RALGPS1: variants seen among roughly 807,000 people sequenced by gnomAD.
RALGPS1 encodes ras-specific guanine nucleotide-releasing factor RalGPS1.
RALGPS1 carries 19 observed loss-of-function variants against 78.8 expected under a neutral mutation model. The ratio of observed to expected loss-of-function variants is 0.24; its 90% CI spans 0.17 to 0.35. The LOEUF is 0.35. Ranked by LOEUF, RALGPS1 falls within the 10% of genes least tolerant of loss-of-function variation. The pLI is 1.00. For synonymous variants in RALGPS1, 228 were observed against 256.3 expected (o/e 0.89, Z 1.06); for missense variants, 454 against 688.3 (o/e 0.66, Z 3.81).
intron 11 of RALGPS1, among the ~76,000 whole-genome samples, chr9:127,189,807 G>T (rs1158943576): frequency 6.6e-6 from 1 of 152,046 alleles, no homozygotes; most frequent in Non-Finnish European, 1.5e-5. Context: ...CCAGCGAGGG[G>T]CCAGAGCGGG....
chr9:127,134,999 A>G (rs1352020420), intron 8 of RALGPS1, among the ~76,000 whole-genome samples: 5 of 152,196 alleles, frequency 3.3e-5, no homozygotes, highest in Admixed American at 6.5e-5. Flanking sequence ...GAGAGGAGAC[A>G]GCACTCATCT....
intron 5 of RALGPS1, among the ~76,000 whole-genome samples, chr9:127,040,724 A>G (rs1000713718): frequency 1.3e-5 from 2 of 152,170 alleles, no homozygotes; most frequent in South Asian, 2.1e-4. Flanking sequence ...AAGTTGCCCA[A>G]GGAAGAAGGC....
rs376901895 is a variant in RALGPS1, at chr9:126,941,704, T to C, written c.-65-20521T>C. 6.0e-4 allele frequency among the ~76,000 whole-genome samples: 92 copies of C among 152,316 alleles called. No individual in the cohort carries two copies. The East Asian group carries it at 0.012, about 19-fold the overall frequency. ...ATACTAGCTTTTCAGGAAATAGTTA[T>C]TGAATGAAAGCATGAAAGTGAGTGT... On this transcript the variant is annotated intron_variant, in intron 1 of 18. Coordinates refer to ENST00000259351, the MANE Select transcript of RALGPS1 (RefSeq NM_014636.3).
chr9:127,160,984 C>T (rs998605799), intron 8 of RALGPS1, among the ~76,000 whole-genome samples: 5 of 152,360 alleles, frequency 3.3e-5, no homozygotes, highest in African/African-American at 1.2e-4. Flanking sequence ...AGGTCTGCAC[C>T]TCTCAGCCTT....
intron 4 of RALGPS1, among the ~76,000 whole-genome samples, chr9:127,001,712 C>A (rs888891235): frequency 6.6e-6 from 1 of 151,944 alleles, no homozygotes; most frequent in Non-Finnish European, 1.5e-5. Flanking sequence ...GGTGAAACCC[C>A]GTCTCTACTA....
intron 8 of RALGPS1, among the ~76,000 whole-genome samples, chr9:127,073,230 C>A (rs989558633): frequency 6.6e-6 from 1 of 152,186 alleles, no homozygotes; most frequent in South Asian, 2.1e-4. Flanking sequence ...CTTTATTCCT[C>A]CTTCCCACCC....
intron 4 of RALGPS1, among the ~76,000 whole-genome samples, chr9:127,024,637 C>T (rs1234914679): frequency 6.6e-6 from 1 of 152,050 alleles, no homozygotes; most frequent in Non-Finnish European, 1.5e-5. Context: ...GTGTTTCATT[C>T]CCTAGTAACC....
chr9:127,144,350 C>G (rs1380451985), intron 8 of RALGPS1, among the ~76,000 whole-genome samples: 1 of 152,200 alleles, frequency 6.6e-6, no homozygotes, highest in Non-Finnish European at 1.5e-5. Context: ...GCATGCACTA[C>G]TTTGGGTCCT....
intron 4 of RALGPS1, among the ~76,000 whole-genome samples, chr9:126,991,919 T>C (rs1317777527): frequency 2.6e-5 from 4 of 152,304 alleles, no homozygotes; most frequent in Middle Eastern, 6.8e-3. Flanking sequence ...GGCTCTGGGC[T>C]CAGCAGTATG....
At chr9:126,923,352 C>T (rs991480120) in intron 1 of RALGPS1, among the ~76,000 whole-genome samples, 2 of 152,190 alleles carry the variant, frequency 1.3e-5, no homozygotes. Context: ...GGTCCTAACG[C>T]CTCAAGTGCC....
At chr9:126,932,239 C>T (rs143219447) in intron 1 of RALGPS1, among the ~76,000 whole-genome samples, 1 of 152,262 alleles carries the variant, frequency 6.6e-6, no homozygotes, top group Non-Finnish European at 1.5e-5. Flanking sequence ...GGGAAAAAGA[C>T]AATATTATGT....
intron 8 of RALGPS1, among the ~76,000 whole-genome samples, chr9:127,074,852 GTTA>G (rs2050539240): frequency 1.3e-5 from 2 of 152,232 alleles, no homozygotes; most frequent in African/African-American, 4.8e-5. Context: ...CCCTATTCAG[GTTA>G]TTATTTTCCT....
At chr9:127,133,491 AC>A in intron 8 of RALGPS1, among the ~76,000 whole-genome samples, 1 of 151,896 alleles carries the variant, frequency 6.6e-6, no homozygotes, top group East Asian at 1.9e-4. Flanking sequence ...TGCAAATATC[AC>A]CCCCTTTCTG....
chr9:126,979,408 A>G (rs1019235193), intron 4 of RALGPS1, among the ~76,000 whole-genome samples: 5 of 152,114 alleles, frequency 3.3e-5, no homozygotes, highest in African/African-American at 9.7e-5. Flanking sequence ...AACAACATCA[A>G]ATCACTGCCT....
intron 10 of RALGPS1, 80 bp downstream of exon 10, chr9:127,168,852 G>A: frequency 8.3e-6 from 10 of 1,206,634 alleles, no homozygotes; most frequent in African/African-American, 1.5e-5. Flanking sequence ...AAGTGGCCTA[G>A]CCCTTGTTGG....
intron 7 of RALGPS1, among the ~76,000 whole-genome samples, chr9:127,054,571 C>A (rs780206146): frequency 1.3e-5 from 2 of 152,150 alleles, no homozygotes; most frequent in African/African-American, 2.4e-5. Flanking sequence ...ACTGCCAGGA[C>A]AGTGGGCAGC....
chr9:127,125,563 C>G (rs1293211949), intron 8 of RALGPS1, among the ~76,000 whole-genome samples: 1 of 152,252 alleles, frequency 6.6e-6, no homozygotes, highest in Non-Finnish European at 1.5e-5. Flanking sequence ...CCGGCTGCAG[C>G]ATTTAGCGGT....
At chr9:127,073,486 G>GTGTGTGTGTGTGTGTGTATA (rs1194404856) in intron 8 of RALGPS1, among the ~76,000 whole-genome samples, 32 of 151,780 alleles carry the variant, frequency 2.1e-4, no homozygotes, top group Non-Finnish European at 3.5e-4. Flanking sequence ...GTGTGTGTGT[G>GTGTGTGTGTGTGTGTGTATA]TATAATATTT....
At chr9:127,101,208 T>G (rs2053689750) in intron 8 of RALGPS1, among the ~76,000 whole-genome samples, 1 of 152,236 alleles carries the variant, frequency 6.6e-6, no homozygotes. Flanking sequence ...CTAGAGCCTT[T>G]CACCTGCCAT....
Sources: allele counts gnomAD v4.1 joint callset (sites outside exome capture counted in the v4.1 genomes callset), GRCh38; gene constraint gnomAD v4.1.1; transcripts MANE v1.5; gene names NCBI Gene and HGNC (gene_info 2026-07-23, HGNC 2026-07-21).